The following COP1 variants were observed in gnomAD, a reference collection of about 807,000 sequenced individuals.
COP1 encodes the protein COP1 E3 ubiquitin ligase.
A neutral mutation model predicts 101.3 loss-of-function variants in COP1; 24 were observed. The ratio of observed to expected loss-of-function variants is 0.24; its 90% CI spans 0.17 to 0.33. COP1 has a LOEUF of 0.33. Among genes scored for constraint, COP1 ranks in the 10% least tolerant of loss-of-function variants. COP1 has a pLI of 1.00. For missense variants in COP1, 663 were observed against 906.2 expected (o/e 0.73, Z 3.45); for synonymous variants, 347 against 341.9 (o/e 1.01, Z -0.17).
At chr1:176,003,154 T>C (rs1000960581) in intron 15 of COP1, among the ~76,000 whole-genome samples, 3 of 152,204 alleles carry the variant, frequency 2.0e-5, no homozygotes, top group African/African-American at 7.2e-5. Context: ...ATAAATGTCT[T>C]CTTTTGAGAA....
At chr1:175,945,251 C>T in intron 19 of COP1, 81 bp from the exon 20 acceptor site, 3 of 1,035,616 alleles carry the variant, frequency 2.9e-6, no homozygotes, top group Non-Finnish European at 4.2e-6. Context: ...ACTATATTTA[C>T]CAATAGAAAA....
chr1:176,183,638 G>C (rs1341185465), intron 2 of COP1, among the ~76,000 whole-genome samples: 2 of 152,130 alleles, frequency 1.3e-5, no homozygotes, highest in Non-Finnish European at 2.9e-5. Flanking sequence ...GAGTCCTAAA[G>C]AGATGTTTGT....
At chr1:176,002,180 CTT>C (rs1009838780) in intron 15 of COP1, among the ~76,000 whole-genome samples, 2 of 152,012 alleles carry the variant, frequency 1.3e-5, no homozygotes, top group African/African-American at 2.4e-5. Flanking sequence ...TTTTCTACCT[CTT>C]TCTCTCTCCT....
intron 11 of COP1, among the ~76,000 whole-genome samples, chr1:176,046,571 AC>A (rs1422722628): frequency 6.6e-6 from 1 of 152,026 alleles, no homozygotes; most frequent in Non-Finnish European, 1.5e-5. Flanking sequence ...GTTCCAAGAC[AC>A]CTGACATGCT....
intron 11 of COP1, among the ~76,000 whole-genome samples, chr1:176,062,958 C>G (rs1270088836): frequency 1.3e-5 from 2 of 148,846 alleles, no homozygotes; most frequent in East Asian, 3.9e-4. Context: ...TGTATAGTGA[C>G]AGAAAGCAGA....
rs58546888 is a variant in COP1 at position 176,039,580 on chromosome 1, GAA to G, written c.1612+3604_1612+3605del. Among the ~76,000 whole-genome samples the G allele has an allele frequency of 1.0e-3, 149 of 149,382 alleles. 2 individuals carry two copies. The East Asian group carries it at 0.01, about 10-fold the overall frequency. On this transcript the variant is annotated intron_variant, in intron 14 of 19. Transcript: ENST00000367669. The stretch of plus-strand genomic sequence containing the variant: ...CCAAAACCTCAAAGAATGTTTTACA[GAA>G]AAAAAAAAAATTACCTTAAAATTCA...
At chr1:176,148,235 C>T (rs1282769793) in intron 6 of COP1, among the ~76,000 whole-genome samples, 1 of 152,000 alleles carries the variant, frequency 6.6e-6, no homozygotes, top group Non-Finnish European at 1.5e-5. Context: ...ACTTCATCAT[C>T]CAGTAAAACA....
intron 6 of COP1, among the ~76,000 whole-genome samples, chr1:176,142,588 A>G (rs1275145847): frequency 2.0e-5 from 3 of 152,154 alleles, no homozygotes; most frequent in Non-Finnish European, 4.4e-5. Flanking sequence ...GCAACTGCAG[A>G]AAATGCATTC....
At chr1:176,108,909 C>T (rs1226445884) in intron 9 of COP1, among the ~76,000 whole-genome samples, 15 of 152,038 alleles carry the variant, frequency 9.9e-5, no homozygotes, top group East Asian at 1.9e-4. Context: ...GTCAAGAGAT[C>T]GAAACCATCC....
At chr1:176,181,432 A>G (rs1558272893) in intron 2 of COP1, among the ~76,000 whole-genome samples, 1 of 152,044 alleles carries the variant, frequency 6.6e-6, no homozygotes, top group African/African-American at 2.4e-5. Context: ...AACTGCAAAA[A>G]AAAAAAAAAT....
At chr1:176,166,213 G>A (rs1476728974) in intron 3 of COP1, among the ~76,000 whole-genome samples, 18 of 152,004 alleles carry the variant, frequency 1.2e-4, no homozygotes, top group Admixed American at 9.8e-4. Flanking sequence ...TGCAACCTCC[G>A]CCTCCCAGGC....
intron 5 of COP1, among the ~76,000 whole-genome samples, chr1:176,158,888 A>G (rs2149907730): frequency 6.6e-6 from 1 of 151,808 alleles, no homozygotes; most frequent in East Asian, 1.9e-4. Flanking sequence ...CAATCCACCC[A>G]CCTCGGCCTC....
intron 11 of COP1, among the ~76,000 whole-genome samples, chr1:176,067,027 G>T (rs973300102): frequency 6.6e-6 from 1 of 151,908 alleles, no homozygotes; most frequent in Admixed American, 6.6e-5. Flanking sequence ...AAACTAAATG[G>T]TTTTTAACTC....
chr1:176,014,250 C>G (rs1665221198), intron 15 of COP1, among the ~76,000 whole-genome samples: 1 of 152,170 alleles, frequency 6.6e-6, no homozygotes, highest in Non-Finnish European at 1.5e-5. Flanking sequence ...GACTTCTGCT[C>G]CTGGACCCCA....
At chr1:176,163,156 C>T (rs704828) in intron 4 of COP1, among the ~76,000 whole-genome samples, 168 bp from the exon 5 acceptor site, 143,068 of 152,276 alleles carry the variant, frequency 0.94, 67,655 homozygotes, top group East Asian at 1. Context: ...TACTGTCTTA[C>T]AGTTATAACT....
intron 11 of COP1, among the ~76,000 whole-genome samples, chr1:176,075,975 C>A (rs1024933731): frequency 7.2e-6 from 1 of 139,366 alleles, no homozygotes; most frequent in Admixed American, 7.8e-5. Flanking sequence ...TGCACTCCAG[C>A]CTGGGTAACA....
intron 10 of COP1, among the ~76,000 whole-genome samples, chr1:176,085,094 T>C (rs539423105): frequency 7.9e-5 from 12 of 152,200 alleles, no homozygotes; most frequent in Non-Finnish European, 8.8e-5. Flanking sequence ...AAAAATATCA[T>C]ATGCTATCAC....
chr1:176,000,488 C>T (rs1661336835), intron 15 of COP1, among the ~76,000 whole-genome samples: 1 of 151,980 alleles, frequency 6.6e-6, no homozygotes, highest in Non-Finnish European at 1.5e-5. Flanking sequence ...GTAATGTCTG[C>T]ACTATGAAGT....
intron 15 of COP1, among the ~76,000 whole-genome samples, chr1:175,993,603 C>G (rs12068101): frequency 0.4 from 60,575 of 151,920 alleles, 12,284 homozygotes; most frequent in Middle Eastern, 0.45. Flanking sequence ...GAATGCAGAA[C>G]CCTCAGGAGC....
Sources: allele counts gnomAD v4.1 joint callset (sites outside exome capture counted in the v4.1 genomes callset), GRCh38; gene constraint gnomAD v4.1.1; transcripts MANE v1.5; gene names NCBI Gene and HGNC (gene_info 2026-07-23, HGNC 2026-07-21).